The following PC variants were observed in gnomAD, a reference collection of about 807,000 sequenced individuals.
PC encodes the protein pyruvate carboxylase.
In PC, 46 loss-of-function variants were observed where a neutral mutation model predicts 107.8. The observed-to-expected ratio is 0.43, with a 90% CI of 0.34 to 0.55. The LOEUF is 0.55. PC is among the 20% of genes least tolerant of loss of function. PC has a pLI of 0.04. For missense variants in PC, 1,241 were observed against 1,643.1 expected (o/e 0.76, Z 4.23); for synonymous variants, 662 against 684.7 (o/e 0.97, Z 0.52).
At position 66,853,000 on chromosome 11, in the gene PC, C is replaced by T; in HGVS notation, c.1514-164G>A. ...AAAGCCAGGGCCTCCTGGGTACAGG[C>T]AGTGGGGACGTCTTGAGGACCACGT... On this transcript the variant is annotated intron_variant, in intron 13 of 22. Transcript: ENST00000393960. This position sits in a 1 kb window ranked among gnomAD's most constrained non-coding sequence, Gnocchi z 4.7. 2.9e-6 allele frequency: 2 copies of T among 698,300 alleles called. No homozygotes were observed. The highest frequency in any genetic ancestry group is 2.7e-5 in the East Asian group (1 of 36,834). The allele number at this position is 698,300 out of a possible 1,614,324, so 43.3% of individuals were successfully genotyped here.
At chr11:66,880,235 G>A (rs1947139175) in intron 3 of PC, among the ~76,000 whole-genome samples, 1 of 152,146 alleles carries the variant, frequency 6.6e-6, no homozygotes, top group Non-Finnish European at 1.5e-5. Flanking sequence ...AGATGGGCGT[G>A]GCCCCCTCAC....
Position 66,852,579 on chromosome 11 carries a change from C to T in PC, c.1685G>A (p.Gly562Glu). 6.2e-7 allele frequency: 1 copy of T among 1,614,030 alleles called. No individual in the cohort carries two copies. Among genetic ancestry groups the T allele is most frequent in the Non-Finnish European group, 8.5e-7 (1 of 1,180,018 alleles). The change falls in exon 15 of 23, where the codon GGG becomes GAG. Residue 562 changes from glycine to glutamate, a missense_variant. By Grantham distance (98) the Gly-to-Glu change is moderately conservative. Transcript: ENST00000393960. The surrounding 1 kb of genome is among the most constrained non-coding windows in gnomAD (Gnocchi z 4.7). Reference sequence around the variant, plus strand: ...GAAGGTCGTGTCCATCAGCAGCAGCCCCGGGTGGTTCCGCACAGCTCGAGC... The same window carrying T: ...GAAGGTCGTGTCCATCAGCAGCAGCTCCGGGTGGTTCCGCACAGCTCGAGC... ...GFARAVRNHP[G>E]LLLMDTTFRD...
intron 3 of PC, among the ~76,000 whole-genome samples, chr11:66,932,481 T>C (rs961184783): frequency 5.9e-5 from 9 of 152,216 alleles, no homozygotes; most frequent in African/African-American, 1.9e-4. Flanking sequence ...GGTTGGACTC[T>C]GTCAATGACT....
At position 66,868,948 on chromosome 11, in the gene PC, G is replaced by T. The variant is rs1247838963; in HGVS notation, c.920C>A (p.Ala307Glu). 6.2e-7 allele frequency: 1 copy of T among 1,613,816 alleles called. No homozygotes were observed. The highest frequency in any genetic ancestry group is 1.1e-5 in the South Asian group (1 of 91,078). ...KLAKQVGYEN[A>E]GTVEFLVDRH... ...GTCCACCAGGAACTCCACGGTGCCT[G>T]CGTTCTCGTAGCCCACCTGTGGGGG... The change falls in exon 10 of 23, where the codon GCA becomes GAA. Residue 307 changes from alanine (A) to glutamate (E), a missense_variant. Transcript: ENST00000393960.
In PC at chr11:66,866,494, G is replaced by A. The variant is rs1056456070; in HGVS notation, c.1023-145C>T. ...AGGCTCTGGGCCAGCCTGAACAGCC[G>A]GTTCCTCCCAACCAGTGGCTCCACC... On this transcript the variant is annotated intron_variant, in intron 10 of 22. Transcript: ENST00000393960. The surrounding 1 kb of genome is among the most constrained non-coding windows in gnomAD (Gnocchi z 5.4). The A allele has an allele frequency of 4.6e-6, 3 of 658,748 alleles. No individual in the cohort carries two copies. Among genetic ancestry groups the A allele is most frequent in the South Asian group, 3.6e-5 (2 of 55,036 alleles). 40.8% of individuals were successfully genotyped at this position (658,748 alleles called of 1,614,324 possible).
intron 3 of PC, among the ~76,000 whole-genome samples, chr11:66,895,657 G>A (rs1947732237): frequency 6.6e-6 from 1 of 151,994 alleles, no homozygotes. Context: ...AAGATAAAAG[G>A]AAATCTTCTA....
chr11:66,927,081 C>T (rs1450077971), intron 3 of PC, among the ~76,000 whole-genome samples: 5 of 148,266 alleles, frequency 3.4e-5, no homozygotes, highest in South Asian at 2.3e-4. Context: ...ACCTCTGCCT[C>T]GCAGGTTCAA....
At chr11:66,925,213 A>G (rs1270388964) in intron 3 of PC, among the ~76,000 whole-genome samples, 1 of 152,176 alleles carries the variant, frequency 6.6e-6, no homozygotes, top group Non-Finnish European at 1.5e-5. Flanking sequence ...TTATCAGGAG[A>G]CATGGTTTGA....
chr11:66,867,710 C>G lies in PC; in HGVS notation c.1022+1136G>C, dbSNP rs115519891. ...TGTCTGACACAAAACCCGTGCTCCA[C>G]AGCAGACAGACTCCCATCCCTAACA... On this transcript the variant is annotated intron_variant, in intron 10 of 22. Transcript: ENST00000393960. Among the ~76,000 whole-genome samples, 1,473 of 152,360 alleles carry G rather than the reference C, an allele frequency of 9.7e-3. 28 individuals carry two copies. Among genetic ancestry groups the G allele is most frequent in the African/African-American group, 0.033 (1,358 of 41,572 alleles).
intron 3 of PC, among the ~76,000 whole-genome samples, chr11:66,900,159 G>A (rs561699562): frequency 4.0e-4 from 60 of 149,466 alleles, no homozygotes; most frequent in African/African-American, 1.4e-3. Flanking sequence ...AAATCAGGAA[G>A]TGTGAGTCCT....
intron 3 of PC, among the ~76,000 whole-genome samples, chr11:66,873,495 ATTATATAAT>A (rs1946848827): frequency 7.0e-5 from 1 of 14,238 alleles, no homozygotes; most frequent in Admixed American, 1.9e-3. Flanking sequence ...TATTATATAT[ATTATATAAT>A]ATTATATATT....
At chr11:66,897,062 G>C (rs1309878522) in intron 3 of PC, among the ~76,000 whole-genome samples, 1 of 152,060 alleles carries the variant, frequency 6.6e-6, no homozygotes, top group African/African-American at 2.4e-5. Flanking sequence ...CTCCAGAGTA[G>C]CTGGGATTAC....
chr11:66,869,256 G>C (rs574129459), intron 9 of PC, among the ~76,000 whole-genome samples: 2 of 151,912 alleles, frequency 1.3e-5, no homozygotes, highest in Non-Finnish European at 2.9e-5. Context: ...TCCCAGGCTC[G>C]GCACCTTGCC....
chr11:66,878,430 C>CTCT (rs1294187584), intron 3 of PC, among the ~76,000 whole-genome samples: 14 of 152,270 alleles, frequency 9.2e-5, no homozygotes, highest in Non-Finnish European at 2.1e-4. Context: ...TGCCAAAGGC[C>CTCT]GGTCACCTCC....
At chr11:66,943,755 CAAAAAAAAAAAAAAA>C (rs34245785) in intron 3 of PC, among the ~76,000 whole-genome samples, 14 of 17,580 alleles carry the variant, frequency 8.0e-4, no homozygotes, top group South Asian at 3.4e-3. Context: ...GACTCCGGCT[CAAAAAAAAAAAAAAA>C]AAAAAAAAAA....
chr11:66,857,599 T>C lies in PC; in HGVS notation c.1369-4216A>G. ...GCAGGCCCCAACCTTCCCTCATCTC[T>C]GGCGGCCCTCTTGGGCCTCTGACCC... On this transcript the variant is annotated intron_variant, in intron 12 of 22. Transcript: ENST00000393960. This position sits in a 1 kb window ranked among gnomAD's most constrained non-coding sequence, Gnocchi z 7.1. 1 of 833,320 alleles carries C rather than the reference T, an allele frequency of 1.2e-6. No homozygotes were observed. Among genetic ancestry groups the C allele is most frequent in the South Asian group, 1.8e-5 (1 of 54,410 alleles). 51.6% of individuals were successfully genotyped at this position (833,320 alleles called of 1,614,324 possible).
chr11:66,950,516 C>G (rs1442889148), intron 3 of PC, among the ~76,000 whole-genome samples: 2 of 152,178 alleles, frequency 1.3e-5, no homozygotes, highest in African/African-American at 2.4e-5. Flanking sequence ...AGGGCCACAT[C>G]CATGTCCCCC....
At chr11:66,876,640 A>G (rs1946990475) in intron 3 of PC, among the ~76,000 whole-genome samples, 1 of 152,184 alleles carries the variant, frequency 6.6e-6, no homozygotes, top group Non-Finnish European at 1.5e-5. Flanking sequence ...GCAGATCTAC[A>G]ATCCTCTAAG....
chr11:66,952,533 T>G (rs1048753177), intron 2 of PC, 65 bp from the exon 3 acceptor site: 1 of 152,074 alleles, frequency 6.6e-6, no homozygotes, highest in Non-Finnish European at 1.5e-5. Context: ...AAAACAGGAG[T>G]GGCAAGAACA....
Sources: gnomAD v4.1 joint callset for allele counts (sites outside exome capture counted in the v4.1 genomes callset) on GRCh38, gnomAD v4.1.1 for gene constraint, Gnocchi (gnomAD v3.1) non-coding constraint, MANE v1.5 for transcripts, NCBI Gene and HGNC (gene_info 2026-07-23, HGNC 2026-07-21) for gene names.